Variants in OR2AT4 observed in about 807,000 individuals in gnomAD.
OR2AT4 encodes the protein olfactory receptor 2AT4.
Under a neutral mutation model 10.3 loss-of-function variants are expected in OR2AT4, and 6 were observed. The ratio of observed to expected loss-of-function variants is 0.58; its 90% CI spans 0.32 to 1.15. OR2AT4 has a LOEUF of 1.15. OR2AT4 is among the 50% of genes most tolerant of loss of function. OR2AT4 has a pLI of 0.05. For missense variants in OR2AT4, 354 were observed against 393.8 expected (o/e 0.90, Z 0.85); for synonymous variants, 145 against 159.1 (o/e 0.91, Z 0.67).
exon 2 of OR2AT4, chr11:75,089,404 G>C (rs773030436): frequency 6.2e-7 from 1 of 1,614,164 alleles, no homozygotes; most frequent in East Asian, 2.2e-5. Context: ...TACATCTGCA[G>C]TAAGCAGGAA....
chr11:75,084,857 C>T (rs1028268321), exon 2 of OR2AT4: 8 of 152,152 alleles, frequency 5.3e-5, no homozygotes, highest in Non-Finnish European at 8.8e-5. Flanking sequence ...AAAAATGCAA[C>T]ATATTAAAAT....
rs756078036 is a variant in OR2AT4 at position 75,089,312 on chromosome 11, T to C, written c.402A>G (p.Pro134=). ...GGTTCATGAGGACAGGGTAGTGCAG[T>C]GGGTGGCAGATAGCCACATAGCGGT... Residue 134 remains proline (P), a synonymous_variant, in exon 2 of 2, where the codon CCA becomes CCG. Transcript: ENST00000641504. 1.1e-5 allele frequency: 17 copies of C among 1,614,004 alleles called. No individual in the cohort carries two copies. The Admixed American group carries it at 2.8e-4, about 27-fold the overall frequency.
At chr11:75,093,267 A>T (rs1298778908) in intron 1 of OR2AT4, among the ~76,000 whole-genome samples, 2 of 152,218 alleles carry the variant, frequency 1.3e-5, no homozygotes, top group Non-Finnish European at 2.9e-5. Flanking sequence ...ATGACTTTTC[A>T]TCTCTCCTAT....
At chr11:75,095,626 T>TCAG (rs1289456762) in intron 1 of OR2AT4, among the ~76,000 whole-genome samples, 2 of 151,574 alleles carry the variant, frequency 1.3e-5, no homozygotes, top group African/African-American at 2.4e-5. Context: ...TGATAAATCA[T>TCAG]CAAATAGGAA....
At chr11:75,095,404 C>A (rs1949342153) in intron 1 of OR2AT4, among the ~76,000 whole-genome samples, 1 of 152,194 alleles carries the variant, frequency 6.6e-6, no homozygotes, top group African/African-American at 2.4e-5. Context: ...CTGGCTGGCT[C>A]AGGAGCCTCT....
chr11:75,096,651 C>T (rs1027580112), intron 1 of OR2AT4, among the ~76,000 whole-genome samples, 177 bp downstream of exon 1: 2 of 152,094 alleles, frequency 1.3e-5, no homozygotes, highest in African/African-American at 4.8e-5. Context: ...CCCCTGCCTG[C>T]GAGGGTGTCT....
exon 2 of OR2AT4, chr11:75,088,971 G>A: frequency 6.2e-7 from 1 of 1,614,192 alleles, no homozygotes; most frequent in Non-Finnish European, 8.5e-7. Flanking sequence ...CAGAAGGTGG[G>A]AGCTGCAGGT....
exon 2 of OR2AT4, chr11:75,087,921 A>G (rs1351926272): frequency 6.6e-6 from 1 of 152,148 alleles, no homozygotes; most frequent in Non-Finnish European, 1.5e-5. Context: ...TTATGAGTTC[A>G]CATTTTCCCT....
chr11:75,084,019 T>C (rs1949278745), exon 2 of OR2AT4: 1 of 149,876 alleles, frequency 6.7e-6, no homozygotes, highest in Non-Finnish European at 1.5e-5. Context: ...ATATACAGCA[T>C]GAAATGCTAC....
exon 2 of OR2AT4, chr11:75,088,794 G>T: frequency 6.3e-7 from 1 of 1,587,946 alleles, no homozygotes; most frequent in Non-Finnish European, 8.6e-7. Context: ...CATGATTTTG[G>T]TGATGGCTGC....
chr11:75,096,882 G>C (rs1384666594), upstream of OR2AT4: 2 of 152,172 alleles, frequency 1.3e-5, no homozygotes, highest in Non-Finnish European at 2.9e-5. Context: ...GGCCTTGGTT[G>C]GGAAGAGCCA....
chr11:75,089,688 G>T lies in OR2AT4; in HGVS notation c.26C>A (p.Ser9Ter). The change falls in exon 2 of 2, where the codon TCA (serine) becomes TAA (stop). Residue 9 changes from serine to a stop codon, truncating the protein, a stop_gained. Transcript: ENST00000641504. LOFTEE classifies it high-confidence loss of function. ...ATAGAAGACGGGTGAGCCATCCACTGATTCATTACAGGCTGTGGCATCCAT... is the reference window on the plus strand; with the variant it reads ...ATAGAAGACGGGTGAGCCATCCACTTATTCATTACAGGCTGTGGCATCCAT... 1 of 1,613,000 alleles carries T rather than the reference G, an allele frequency of 6.2e-7. No individual in the cohort carries two copies. The highest frequency in any genetic ancestry group is 8.5e-7 in the Non-Finnish European group (1 of 1,179,452).
chr11:75,091,036 G>T (rs1228886284), intron 1 of OR2AT4, among the ~76,000 whole-genome samples: 1 of 152,188 alleles, frequency 6.6e-6, no homozygotes, highest in Non-Finnish European at 1.5e-5. Flanking sequence ...CAGACTATCA[G>T]CCCACAACTC....
chr11:75,088,340 G>A (rs1200025238), exon 2 of OR2AT4: 1 of 153,708 alleles, frequency 6.5e-6, no homozygotes, highest in Non-Finnish European at 1.4e-5. Flanking sequence ...CTGATTAAGT[G>A]AAAAATAACA....
At chr11:75,093,804 CTTTTT>C (rs1949332144) in intron 1 of OR2AT4, among the ~76,000 whole-genome samples, 1 of 88,352 alleles carries the variant, frequency 1.1e-5, no homozygotes, top group Non-Finnish European at 2.2e-5. Flanking sequence ...TTTTCTTTTT[CTTTTT>C]CTTTTTTTTT....
chr11:75,083,565 G>GTTA (rs1370631083), exon 2 of OR2AT4: 1 of 152,038 alleles, frequency 6.6e-6, no homozygotes, highest in Non-Finnish European at 1.5e-5. Flanking sequence ...AAGAAAATAC[G>GTTA]TTATTCTATC....
chr11:75,095,431 G>T (rs1949342252), intron 1 of OR2AT4, among the ~76,000 whole-genome samples: 1 of 152,134 alleles, frequency 6.6e-6, no homozygotes, highest in African/African-American at 2.4e-5. Context: ...GGCTCTTGAA[G>T]TTCCTGTGCT....
At chr11:75,096,646 G>T (rs769248895) in intron 1 of OR2AT4, among the ~76,000 whole-genome samples, 182 bp downstream of exon 1, 4 of 152,084 alleles carry the variant, frequency 2.6e-5, no homozygotes, top group Non-Finnish European at 5.9e-5. Flanking sequence ...CCCTGCCCCT[G>T]CCTGCGAGGG....
chr11:75,084,293 G>A (rs1022830533), exon 2 of OR2AT4: 1 of 152,136 alleles, frequency 6.6e-6, no homozygotes, highest in African/African-American at 2.4e-5. Context: ...CCAAACCTCA[G>A]CATCATGAAA....
Sources: gnomAD v4.1 joint callset for allele counts (sites outside exome capture counted in the v4.1 genomes callset) on GRCh38, gnomAD v4.1.1 for gene constraint, MANE v1.5 for transcripts, NCBI Gene and HGNC (gene_info 2026-07-23, HGNC 2026-07-21) for gene names.